DPP10: variants seen among roughly 807,000 people sequenced by gnomAD.
The protein encoded by DPP10 is inactive dipeptidyl peptidase 10.
DPP10 carries 33 observed loss-of-function variants against 120.9 expected under a neutral mutation model. That is an observed-to-expected ratio of 0.27 (90% CI 0.21 to 0.37). The LOEUF is 0.37. Ranked by LOEUF, DPP10 falls within the 10% of genes least tolerant of loss-of-function variation. The pLI, the probability that DPP10 is intolerant of heterozygous loss-of-function variation, is 1.00. For synonymous variants in DPP10, 337 were observed against 326.1 expected (o/e 1.03, Z -0.36); for missense variants, 816 against 942.8 (o/e 0.87, Z 1.76).
At chr2:115,234,120 TA>T (rs1366039566) in intron 1 of DPP10, 1 of 333,778 alleles carries the variant, frequency 3.0e-6, no homozygotes, top group Non-Finnish European at 5.9e-6. Context: ...CCAAGTTTTA[TA>T]GATCTGTGTT....
chr2:115,084,096 C>T (rs539289481), intron 1 of DPP10, among the ~76,000 whole-genome samples: 76 of 152,132 alleles, frequency 5.0e-4, no homozygotes, highest in African/African-American at 1.8e-3. Context: ...AATATGAATA[C>T]GAAACCTATA....
intron 1 of DPP10, among the ~76,000 whole-genome samples, chr2:114,911,830 A>T (rs1022114151): frequency 2.0e-5 from 3 of 152,200 alleles, no homozygotes; most frequent in Admixed American, 1.3e-4. Flanking sequence ...TAATGTTTAC[A>T]TCAGTTACAC....
chr2:114,811,510 A>G (rs1201254850), intron 1 of DPP10, among the ~76,000 whole-genome samples: 5 of 151,540 alleles, frequency 3.3e-5, no homozygotes, highest in Non-Finnish European at 7.4e-5. Flanking sequence ...CACCCTCTCC[A>G]CCACCATCCG....
In DPP10 at chr2:115,685,832, G is replaced by T. The variant is rs1283325228; in HGVS notation, c.442-3855G>T. ...TTTCCTTGTGTTCAAATTCTGGCAG[G>T]ACTAAAATATGTCTGTTTTTCCTTT... On this transcript the variant is annotated intron_variant, in intron 5 of 25. Coordinates refer to ENST00000410059, the MANE Select transcript of DPP10 (RefSeq NM_020868.6). Among the ~76,000 whole-genome samples the T allele has an allele frequency of 2.0e-5, 3 of 151,944 alleles. No individual in the cohort carries two copies. In the South Asian group the frequency reaches 6.2e-4, roughly 31 times the overall value.
chr2:114,719,213 G>A (rs1182436516), intron 1 of DPP10, among the ~76,000 whole-genome samples: 1 of 152,140 alleles, frequency 6.6e-6, no homozygotes, highest in Non-Finnish European at 1.5e-5. Flanking sequence ...GCTGGTTGAG[G>A]GCTGAGCATC....
At chr2:115,288,544 G>A (rs973085970) in intron 1 of DPP10, among the ~76,000 whole-genome samples, 1 of 151,716 alleles carries the variant, frequency 6.6e-6, no homozygotes, top group Non-Finnish European at 1.5e-5. Flanking sequence ...ATAGTGAAAC[G>A]CTATCTCTAT....
chr2:114,449,055 C>A (rs2104529577), intron 1 of DPP10, among the ~76,000 whole-genome samples: 1 of 152,218 alleles, frequency 6.6e-6, no homozygotes, highest in Middle Eastern at 3.4e-3. Flanking sequence ...GTTCTCTGAT[C>A]TTGGTTTGGG....
intron 3 of DPP10, among the ~76,000 whole-genome samples, chr2:115,363,706 T>C (rs1263710989): frequency 2.0e-5 from 3 of 152,204 alleles, no homozygotes; most frequent in Non-Finnish European, 4.4e-5. Context: ...TAAAACATTC[T>C]TGACTCCATC....
chr2:114,974,210 C>T (rs1184772348), intron 1 of DPP10, among the ~76,000 whole-genome samples: 1 of 152,140 alleles, frequency 6.6e-6, no homozygotes, highest in African/African-American at 2.4e-5. Context: ...GTCCTGCAAG[C>T]TCCATTCATG....
intron 19 of DPP10, among the ~76,000 whole-genome samples, chr2:115,802,041 C>G (rs548135348): frequency 1.3e-5 from 2 of 152,154 alleles, no homozygotes; most frequent in Admixed American, 1.3e-4. Flanking sequence ...TGGTAGAATT[C>G]GGCTGTGAAT....
At chr2:115,142,751 A>C (rs1273878974) in intron 1 of DPP10, among the ~76,000 whole-genome samples, 1 of 152,158 alleles carries the variant, frequency 6.6e-6, no homozygotes, top group Non-Finnish European at 1.5e-5. Flanking sequence ...CTGCTGCACC[A>C]GGAGGAAGAG....
intron 1 of DPP10, among the ~76,000 whole-genome samples, chr2:114,490,879 G>A (rs964171830): frequency 9.9e-5 from 15 of 152,184 alleles, no homozygotes; most frequent in Admixed American, 4.6e-4. Context: ...ACTAGTAGAC[G>A]TATTTAGTTG....
chr2:114,901,062 GAACA>G (rs931207353), intron 1 of DPP10, among the ~76,000 whole-genome samples: 15 of 152,190 alleles, frequency 9.9e-5, no homozygotes, highest in Non-Finnish European at 1.8e-4. Flanking sequence ...ATTGAAGCAA[GAACA>G]AACATCAAAT....
chr2:115,726,559 C>T (rs2149633423), intron 7 of DPP10, among the ~76,000 whole-genome samples: 1 of 152,206 alleles, frequency 6.6e-6, no homozygotes, highest in Non-Finnish European at 1.5e-5. Context: ...TGTAACCACC[C>T]TGCAGTACCC....
intron 1 of DPP10, among the ~76,000 whole-genome samples, chr2:115,103,431 G>A (rs892506745): frequency 6.6e-6 from 1 of 151,946 alleles, no homozygotes; most frequent in Admixed American, 6.6e-5. Flanking sequence ...CTCGGGATCC[G>A]CCTGCCTCAG....
intron 1 of DPP10, among the ~76,000 whole-genome samples, chr2:114,920,393 C>G (rs1204462575): frequency 6.6e-6 from 1 of 152,164 alleles, no homozygotes. Flanking sequence ...CCTGACAGCA[C>G]CCTACTTTGG....
intron 4 of DPP10, among the ~76,000 whole-genome samples, chr2:115,516,796 C>T (rs1270646152): frequency 6.6e-6 from 1 of 152,116 alleles, no homozygotes; most frequent in East Asian, 1.9e-4. Context: ...TATGTAAAAA[C>T]TCTTCCAAAT....
intron 21 of DPP10, among the ~76,000 whole-genome samples, chr2:115,820,628 T>G (rs912762292): frequency 6.6e-6 from 1 of 152,138 alleles, no homozygotes; most frequent in Non-Finnish European, 1.5e-5. Flanking sequence ...GCATCATTCT[T>G]GTGCCTTTGC....
chr2:115,375,734 C>T (rs2065745694), intron 3 of DPP10, among the ~76,000 whole-genome samples: 1 of 152,148 alleles, frequency 6.6e-6, no homozygotes, highest in Admixed American at 6.5e-5. Context: ...AGGAAACTTG[C>T]AATTATAGCA....
Sources: allele counts gnomAD v4.1 joint callset (sites outside exome capture counted in the v4.1 genomes callset), GRCh38; gene constraint gnomAD v4.1.1; transcripts MANE v1.5; gene names NCBI Gene and HGNC (gene_info 2026-07-23, HGNC 2026-07-21).